Variants in ATXN3 observed in about 807,000 individuals in gnomAD.
ATXN3 encodes the protein ataxin 3.
ATXN3 carries 28 observed loss-of-function variants against 58.2 expected under a neutral mutation model. The observed-to-expected ratio is 0.48, with a 90% CI of 0.36 to 0.66. The LOEUF is 0.66. Ranked by LOEUF, ATXN3 falls within the 30% of genes least tolerant of loss-of-function variation. The pLI, the probability that ATXN3 is intolerant of heterozygous loss-of-function variation, is 0.00. For missense variants in ATXN3, 321 were observed against 422.1 expected (o/e 0.76, Z 2.10); for synonymous variants, 113 against 138.5 (o/e 0.82, Z 1.29).
At chr14:92,054,304 A>C (rs2057458132), downstream of ATXN3, among the ~76,000 whole-genome samples, 1 of 152,214 alleles carries the variant, frequency 6.6e-6, no homozygotes, top group Admixed American at 6.5e-5. Flanking sequence ...CCAGATGGTT[A>C]AGGCATTCTA....
At chr14:92,084,523 G>A (rs1421154555) in intron 6 of ATXN3, among the ~76,000 whole-genome samples, 2 of 151,964 alleles carry the variant, frequency 1.3e-5, no homozygotes, top group Non-Finnish European at 2.9e-5. Context: ...CAAAAACCAA[G>A]GATGGGCTAT....
In ATXN3 at chr14:92,105,246, A is replaced by AC. The variant is rs148949170; in HGVS notation, c.24+1282dup. 4.3e-3 allele frequency among the ~76,000 whole-genome samples: 647 copies of AC among 152,136 alleles called. 3 individuals carry two copies. Among genetic ancestry groups the AC allele is most frequent in the African/African-American group, 0.015 (604 of 41,504 alleles). On this transcript the variant is annotated intron_variant, in intron 1 of 10. Transcript: ENST00000644486. Reference sequence around the variant, plus strand: ...AGACCAGCCTGGGCAACACAGCGAGACCCCGTCTCTCCCAAAAACATTACC... The same window carrying AC: ...AGACCAGCCTGGGCAACACAGCGAGACCCCCGTCTCTCCCAAAAACATTACC...
At chr14:92,091,749 G>C (rs1368677082) in intron 5 of ATXN3, among the ~76,000 whole-genome samples, 2 of 152,064 alleles carry the variant, frequency 1.3e-5, no homozygotes, top group Non-Finnish European at 2.9e-5. Context: ...CCAAGCTGGA[G>C]TGCAGTAGCA....
In ATXN3 at chr14:92,068,435, G is replaced by A. The variant is rs181752420; in HGVS notation, c.991+2500C>T. 8.3e-3 allele frequency among the ~76,000 whole-genome samples: 1,266 copies of A among 152,150 alleles called. 13 individuals carry two copies. Among genetic ancestry groups the A allele is most frequent in the Middle Eastern group, 0.017 (5 of 294 alleles). ...CTAGAGAGAGCAGGCTTTTCATGGGGTTTTCTCTTGGTCTGAACCCATAGC... is the reference window on the plus strand; with the variant it reads ...CTAGAGAGAGCAGGCTTTTCATGGGATTTTCTCTTGGTCTGAACCCATAGC... On this transcript the variant is annotated intron_variant, in intron 10 of 10. Transcript: ENST00000644486.
At chr14:92,087,032 G>A (rs2062746050) in intron 6 of ATXN3, among the ~76,000 whole-genome samples, 1 of 152,174 alleles carries the variant, frequency 6.6e-6, no homozygotes, top group African/African-American at 2.4e-5. Flanking sequence ...AATTTTAATT[G>A]CTTCTATGTT....
In ATXN3 at chr14:92,092,667, A is replaced by G. The variant is rs562256111; in HGVS notation, c.387+585T>C. 8.4e-4 allele frequency among the ~76,000 whole-genome samples: 128 copies of G among 152,198 alleles called. 3 individuals are homozygous for G. In the South Asian group the frequency reaches 0.025, roughly 30 times the overall value. ...CACATTTGTATTATCTTTAATATAG[A>G]ATTTTTCTTATGATATAGTTAAATT... On this transcript the variant is annotated intron_variant, in intron 5 of 10. Transcript: ENST00000644486.
intron 2 of ATXN3, 95 bp downstream of exon 2, chr14:92,096,579 G>A (rs1041689075): frequency 4.4e-5 from 56 of 1,263,528 alleles, no homozygotes; most frequent in South Asian, 2.6e-4. Flanking sequence ...AGCCGAGATC[G>A]CGCCATTGCA....
At chr14:92,075,164 T>G (rs927978674) in intron 9 of ATXN3, among the ~76,000 whole-genome samples, 1 of 73,676 alleles carries the variant, frequency 1.4e-5, no homozygotes, top group Admixed American at 1.1e-4. Flanking sequence ...GAGTTTTTTT[T>G]TTTTTTTTTT....
chr14:92,089,505 T>C (rs1481244710), intron 5 of ATXN3, among the ~76,000 whole-genome samples: 16 of 151,704 alleles, frequency 1.1e-4, no homozygotes, highest in Admixed American at 1.1e-3. Context: ...CACCCAGCTA[T>C]TTTTTTGTAT....
In ATXN3 at chr14:92,082,388, C is replaced by T; in HGVS notation, c.687G>A (p.Leu229=). The change falls in exon 8 of 11, where the codon TTG becomes TTA. Residue 229 remains leucine, a synonymous_variant. Transcript: ENST00000644486. ...SGMLDEDEED[L]QRALALSRQE... Reference sequence around the variant, plus strand: ...GGCGACTTAGTGCCAGAGCCCTCTGCAAATCCTCCTCATCTTCGTCTAACA... The same window carrying T: ...GGCGACTTAGTGCCAGAGCCCTCTGTAAATCCTCCTCATCTTCGTCTAACA... The T allele has an allele frequency of 6.2e-7, 1 of 1,614,146 alleles. No individual in the cohort carries two copies. Among genetic ancestry groups the T allele is most frequent in the Non-Finnish European group, 8.5e-7 (1 of 1,180,024 alleles).
intron 9 of ATXN3, among the ~76,000 whole-genome samples, chr14:92,076,976 G>T (rs1321602652): frequency 1.4e-5 from 2 of 138,682 alleles, no homozygotes; most frequent in African/African-American, 5.5e-5. Context: ...AATAAACATG[G>T]TGAAAGTATC....
At chr14:92,099,329 TG>T (rs1454093116) in intron 1 of ATXN3, among the ~76,000 whole-genome samples, 9 of 152,196 alleles carry the variant, frequency 5.9e-5, no homozygotes, top group Non-Finnish European at 1.0e-4. Context: ...GGGTTATATG[TG>T]TATAATGGAA....
chr14:92,075,602 A>G (rs1012599174), intron 9 of ATXN3, among the ~76,000 whole-genome samples: 44 of 152,354 alleles, frequency 2.9e-4, no homozygotes, highest in African/African-American at 1.0e-3. Flanking sequence ...AAGGGAAAAG[A>G]AAAACTAGAA....
At chr14:92,104,594 T>C (rs2067726605) in intron 1 of ATXN3, among the ~76,000 whole-genome samples, 1 of 152,200 alleles carries the variant, frequency 6.6e-6, no homozygotes, top group African/African-American at 2.4e-5. Context: ...GCCTTCCATG[T>C]TGAAATGTGG....
At chr14:92,078,897 G>A (rs1355487372) in intron 9 of ATXN3, among the ~76,000 whole-genome samples, 2 of 151,978 alleles carry the variant, frequency 1.3e-5, no homozygotes, top group African/African-American at 2.4e-5. Flanking sequence ...ATTATAAAAC[G>A]AGATTGGGCC....
At chr14:92,088,302 C>T (rs548628650) in intron 6 of ATXN3, among the ~76,000 whole-genome samples, 1 of 152,222 alleles carries the variant, frequency 6.6e-6, no homozygotes, top group African/African-American at 2.4e-5. Context: ...GATCTCCTGA[C>T]ATCGTGATCC....
At chr14:92,102,282 G>A (rs1385233488) in intron 1 of ATXN3, among the ~76,000 whole-genome samples, 2 of 149,160 alleles carry the variant, frequency 1.3e-5, no homozygotes, top group Non-Finnish European at 3.0e-5. Context: ...AAAGGAGGGA[G>A]GGAGGGAATA....
intron 9 of ATXN3, among the ~76,000 whole-genome samples, chr14:92,078,999 G>A (rs1021011174): frequency 3.9e-5 from 6 of 151,908 alleles, no homozygotes; most frequent in South Asian, 2.1e-4. Flanking sequence ...CAGCCTGGAC[G>A]ACATGGTGAA....
intron 7 of ATXN3, among the ~76,000 whole-genome samples, 190 bp from the exon 8 acceptor site, chr14:92,082,656 T>C (rs528849723): frequency 5.9e-5 from 9 of 151,348 alleles, no homozygotes; most frequent in African/African-American, 2.2e-4. Context: ...TTTCTTTTTT[T>C]TTTTTTTTTT....
Sources: gnomAD v4.1 joint callset for allele counts (sites outside exome capture counted in the v4.1 genomes callset) on GRCh38, gnomAD v4.1.1 for gene constraint, MANE v1.5 for transcripts, NCBI Gene and HGNC (gene_info 2026-07-23, HGNC 2026-07-21) for gene names.